The following MAF variants were observed in gnomAD, a reference collection of about 807,000 sequenced individuals.
MAF encodes the protein MAF bZIP transcription factor, also known as transcription factor Maf.
MAF carries 10 observed loss-of-function variants against 22.0 expected under a neutral mutation model. The ratio of observed to expected loss-of-function variants is 0.45; its 90% CI spans 0.28 to 0.77. The LOEUF is 0.77. Ranked by LOEUF, MAF falls within the 30% of genes least tolerant of loss-of-function variation. The pLI is 0.12. For missense variants in MAF, 544 were observed against 548.4 expected, an observed-to-expected ratio of 0.99 and a Z score of 0.08; for synonymous variants, 337 against 255.8, an observed-to-expected ratio of 1.32 and a Z score of -3.03.
chr16:79,378,186 G>A, the MAF span, among the ~76,000 whole-genome samples: 1 of 152,120 alleles, frequency 6.6e-6, no homozygotes, highest in South Asian at 2.1e-4. Flanking sequence ...CTAAAGCCAT[G>A]TACAAGAACA....
chr16:79,335,398 G>A, the MAF span, among the ~76,000 whole-genome samples: 5 of 152,288 alleles, frequency 3.3e-5, no homozygotes, highest in Admixed American at 2.0e-4. Context: ...CTTCGAAGAA[G>A]AAGAGCTAAG....
chr16:79,322,001 G>A, the MAF span, among the ~76,000 whole-genome samples: 1 of 152,164 alleles, frequency 6.6e-6, no homozygotes, highest in Non-Finnish European at 1.5e-5. Flanking sequence ...GGAGGCTGAG[G>A]CAGGCAGATC....
the MAF span, among the ~76,000 whole-genome samples, chr16:79,287,800 TTCAC>T: frequency 5.3e-5 from 8 of 152,322 alleles, no homozygotes; most frequent in East Asian, 1.5e-3. Flanking sequence ...CATTCTTTCA[TTCAC>T]TCACTCATTC....
the MAF span, among the ~76,000 whole-genome samples, chr16:79,255,640 G>A: frequency 6.6e-6 from 1 of 152,170 alleles, no homozygotes; most frequent in Non-Finnish European, 1.5e-5. Context: ...CTTGGTCTGT[G>A]GAAAGCATTG....
At chr16:79,225,790 A>T in the MAF span, among the ~76,000 whole-genome samples, 1 of 152,234 alleles carries the variant, frequency 6.6e-6, no homozygotes, top group Non-Finnish European at 1.5e-5. Context: ...GCTCATCATC[A>T]CTGGTCATTA....
chr16:79,390,874 C>T, the MAF span, among the ~76,000 whole-genome samples: 3 of 152,158 alleles, frequency 2.0e-5, no homozygotes, highest in Admixed American at 1.3e-4. Flanking sequence ...CACACCTGGG[C>T]GTTGGACCAT....
At chr16:79,387,771 G>A in the MAF span, among the ~76,000 whole-genome samples, 1 of 152,102 alleles carries the variant, frequency 6.6e-6, no homozygotes, top group Non-Finnish European at 1.5e-5. Flanking sequence ...AGTAACTGTA[G>A]CAACCTAAAT....
At chr16:79,575,468 A>G in the MAF span, among the ~76,000 whole-genome samples, 2 of 152,224 alleles carry the variant, frequency 1.3e-5, no homozygotes, top group African/African-American at 2.4e-5. Context: ...TGACTGGACA[A>G]GAGATGAACA....
chr16:79,507,186 C>A, the MAF span, among the ~76,000 whole-genome samples: 1,791 of 145,464 alleles, frequency 0.012, 38 homozygotes, highest in African/African-American at 0.044. Context: ...TGATCTCGGC[C>A]CACTGCAAGC....
the MAF span, among the ~76,000 whole-genome samples, chr16:79,492,416 G>A: frequency 6.6e-6 from 1 of 151,938 alleles, no homozygotes; most frequent in Admixed American, 6.6e-5. Context: ...ATCTGACCCT[G>A]TATTTGGGCA....
At chr16:79,355,741 G>C in the MAF span, among the ~76,000 whole-genome samples, 5 of 152,136 alleles carry the variant, frequency 3.3e-5, no homozygotes, top group African/African-American at 1.2e-4. Context: ...TTGAACTTTT[G>C]CAGGGAGAGA....
At chr16:79,302,100 G>A in the MAF span, among the ~76,000 whole-genome samples, 7 of 152,320 alleles carry the variant, frequency 4.6e-5, no homozygotes, top group East Asian at 7.7e-4. Context: ...ACTAGGACAC[G>A]CCTTCCTACA....
the MAF span, among the ~76,000 whole-genome samples, chr16:79,459,299 C>G: frequency 6.6e-6 from 1 of 152,142 alleles, no homozygotes; most frequent in Non-Finnish European, 1.5e-5. Flanking sequence ...TTCTTTCAGT[C>G]CTTTTTCCTA....
Position 79,599,333 on chromosome 16 carries a change from G to T in MAF, c.570C>A (p.Gly190=). 1 of 988,262 alleles carries T rather than the reference G, an allele frequency of 1.0e-6. No individual in the cohort carries two copies. Among genetic ancestry groups the T allele is most frequent in the South Asian group, 4.5e-5 (1 of 22,110 alleles). 61.2% of individuals were successfully genotyped at this position (988,262 alleles called of 1,614,324 possible). Residue 190 remains glycine (G), a synonymous_variant, in exon 1 of 2, where the codon GGC becomes GGA. Transcript: ENST00000326043. ...CGCCGGCCGTCGGGTGGTGGTGGTGGCCGGCGGCGTGGTGGTGGTGGTGGT... is the reference window on the plus strand; with the variant it reads ...CGCCGGCCGTCGGGTGGTGGTGGTGTCCGGCGGCGTGGTGGTGGTGGTGGT... The part of the protein sequence containing the change: ...HYHHHHHHAA[G]HHHHPTAGAP...
chr16:79,502,123 T>C, the MAF span, among the ~76,000 whole-genome samples: 1 of 152,310 alleles, frequency 6.6e-6, no homozygotes, highest in African/African-American at 2.4e-5. Context: ...CCCAGCCGAG[T>C]ACCCTCTCAA....
chr16:79,465,412 G>C, the MAF span, among the ~76,000 whole-genome samples: 1 of 152,110 alleles, frequency 6.6e-6, no homozygotes, highest in Non-Finnish European at 1.5e-5. Flanking sequence ...GGGCAACATG[G>C]CAAGACCAGT....
the MAF span, among the ~76,000 whole-genome samples, chr16:79,394,155 G>C: frequency 6.6e-6 from 1 of 152,184 alleles, no homozygotes; most frequent in African/African-American, 2.4e-5. Context: ...AAAGTCCAGA[G>C]AGAAGAAGAG....
the MAF span, among the ~76,000 whole-genome samples, chr16:79,467,946 G>C: frequency 6.6e-6 from 1 of 151,680 alleles, no homozygotes; most frequent in Non-Finnish European, 1.5e-5. Flanking sequence ...TCGTGGGGGG[G>C]TGGTTGTGGC....
the MAF span, among the ~76,000 whole-genome samples, chr16:79,308,581 G>A: frequency 1.3e-5 from 2 of 152,138 alleles, no homozygotes; most frequent in African/African-American, 2.4e-5. Flanking sequence ...TTCTGTGTAG[G>A]AATTTTCTGT....
Sources: gnomAD v4.1 joint callset for allele counts (sites outside exome capture counted in the v4.1 genomes callset) on GRCh38, gnomAD v4.1.1 for gene constraint, MANE v1.5 for transcripts, NCBI Gene and HGNC (gene_info 2026-07-23, HGNC 2026-07-21) for gene names.